ME3: variants seen among roughly 807,000 people sequenced by gnomAD.
ME3 encodes malic enzyme 3, also known as NADP-dependent malic enzyme, mitochondrial.
ME3 carries 48 observed loss-of-function variants against 68.9 expected under a neutral mutation model. The ratio of observed to expected loss-of-function variants is 0.70; its 90% CI spans 0.55 to 0.89. The LOEUF is 0.89. Among genes scored for constraint, ME3 ranks in the 40% least tolerant of loss-of-function variants. The pLI is 0.00. For synonymous variants in ME3, 320 were observed against 318.8 expected (o/e 1.00, Z -0.04); for missense variants, 675 against 797.4 (o/e 0.85, Z 1.85).
At chr11:86,624,088 C>T (rs1230287576) in intron 2 of ME3, among the ~76,000 whole-genome samples, 1 of 152,126 alleles carries the variant, frequency 6.6e-6, no homozygotes, top group Non-Finnish European at 1.5e-5. Flanking sequence ...TCTTTGAGGT[C>T]GGAAGTTTAA....
chr11:86,657,829 C>T (rs1946006915), intron 2 of ME3, among the ~76,000 whole-genome samples: 1 of 152,112 alleles, frequency 6.6e-6, no homozygotes, highest in African/African-American at 2.4e-5. Context: ...TCATAGCTGG[C>T]AAGCTTATGA....
Position 86,624,738 on chromosome 11 carries a change from T to C in ME3, c.183+47024A>G, listed in dbSNP as rs565971765. Among the ~76,000 whole-genome samples the C allele has an allele frequency of 5.9e-5, 9 of 152,366 alleles. No homozygotes were observed. The South Asian group carries it at 1.9e-3, about 32-fold the overall frequency. ...ACCATTCTTCGGCTTTTCTCTGTTA[T>C]TTCCATCTGATTCCTCCAAACTTCT... On this transcript the variant is annotated intron_variant, in intron 2 of 14. Coordinates refer to ENST00000543262, the Ensembl canonical transcript of ME3.
chr11:86,584,932 A>G (rs1958644564), intron 2 of ME3, among the ~76,000 whole-genome samples: 1 of 152,246 alleles, frequency 6.6e-6, no homozygotes, highest in Non-Finnish European at 1.5e-5. Context: ...AAGAGGGTAG[A>G]GCTCATGGCA....
intron 2 of ME3, among the ~76,000 whole-genome samples, chr11:86,627,312 G>A (rs896897219): frequency 6.6e-6 from 1 of 152,190 alleles, no homozygotes; most frequent in Non-Finnish European, 1.5e-5. Context: ...TCTAATAGAT[G>A]CTTAACAAAT....
chr11:86,607,674 C>T (rs1245673187), intron 2 of ME3, among the ~76,000 whole-genome samples: 1 of 145,916 alleles, frequency 6.9e-6, no homozygotes, highest in Non-Finnish European at 1.5e-5. Context: ...CAATAGATCA[C>T]ATCTAGAGAT....
At chr11:86,580,472 G>A (rs1322066411) in intron 2 of ME3, among the ~76,000 whole-genome samples, 1 of 152,132 alleles carries the variant, frequency 6.6e-6, no homozygotes, top group Non-Finnish European at 1.5e-5. Flanking sequence ...GATTGATTGG[G>A]TCATCATTGA....
intron 2 of ME3, among the ~76,000 whole-genome samples, chr11:86,560,746 G>GTATATATATATATATATA (rs1456434091): frequency 1.1e-4 from 10 of 90,272 alleles, no homozygotes; most frequent in African/African-American, 4.8e-4. Flanking sequence ...GTGTGTGTGT[G>GTATATATATATATATATA]TGTATATATA....
At chr11:86,617,384 T>G (rs1358694980) in intron 2 of ME3, among the ~76,000 whole-genome samples, 1 of 152,150 alleles carries the variant, frequency 6.6e-6, no homozygotes, top group Admixed American at 6.6e-5. Flanking sequence ...TAAGTCTCGT[T>G]TAAAAGTTAA....
chr11:86,657,557 C>T (rs1945984995), intron 2 of ME3, among the ~76,000 whole-genome samples: 1 of 151,992 alleles, frequency 6.6e-6, no homozygotes, highest in Admixed American at 6.6e-5. Context: ...CACCATGGCA[C>T]GTTTATACCT....
At chr11:86,649,502 TAGGAAGAG>T (rs1945255195) in intron 2 of ME3, among the ~76,000 whole-genome samples, 1 of 152,286 alleles carries the variant, frequency 6.6e-6, no homozygotes, top group East Asian at 1.9e-4. Flanking sequence ...TATATTCAAA[TAGGAAGAG>T]AGGAAGTCGG....
At chr11:86,436,685 G>C (rs1948899249), downstream of ME3, 1 of 152,100 alleles carries the variant, frequency 6.6e-6, no homozygotes, top group Admixed American at 6.5e-5. Flanking sequence ...TTTGGTTTGA[G>C]ATGTGTAAAG....
At chr11:86,500,488 C>G (rs567273790) in intron 5 of ME3, among the ~76,000 whole-genome samples, 1 of 152,226 alleles carries the variant, frequency 6.6e-6, no homozygotes, top group African/African-American at 2.4e-5. Context: ...CTCCTTGCCT[C>G]TCATCTTCCT....
intron 2 of ME3, among the ~76,000 whole-genome samples, chr11:86,630,782 C>G (rs981098397): frequency 5.9e-5 from 9 of 152,158 alleles, no homozygotes; most frequent in African/African-American, 2.2e-4. Flanking sequence ...ATTAGAAACC[C>G]GAGTCAGGAC....
intron 4 of ME3, among the ~76,000 whole-genome samples, chr11:86,533,087 C>G (rs987434990): frequency 6.6e-6 from 1 of 150,974 alleles, no homozygotes; most frequent in Non-Finnish European, 1.5e-5. Context: ...GTAACCTAAT[C>G]TTATACCTCA....
At chr11:86,446,358 C>T (rs529889433) in exon 13 of ME3, 29 of 1,614,034 alleles carry the variant, frequency 1.8e-5, no homozygotes, top group Middle Eastern at 1.6e-4. Flanking sequence ...TGCCGGATCC[C>T]GCCGGCGATG....
At chr11:86,596,278 T>C (rs971318111) in intron 2 of ME3, among the ~76,000 whole-genome samples, 5 of 152,182 alleles carry the variant, frequency 3.3e-5, no homozygotes, top group African/African-American at 1.2e-4. Flanking sequence ...TTTAGCTAAT[T>C]TGAGAACATA....
At chr11:86,520,952 C>T (rs564732405) in intron 4 of ME3, among the ~76,000 whole-genome samples, 3 of 152,332 alleles carry the variant, frequency 2.0e-5, no homozygotes, top group Non-Finnish European at 4.4e-5. Flanking sequence ...CTCTAGAGTT[C>T]CATGACTCTA....
At chr11:86,524,095 T>C (rs1954545381) in intron 4 of ME3, among the ~76,000 whole-genome samples, 1 of 152,218 alleles carries the variant, frequency 6.6e-6, no homozygotes, top group African/African-American at 2.4e-5. Context: ...ACTCTTCACT[T>C]TCTTTTATGG....
At chr11:86,493,484 C>A (rs1346879535) in intron 6 of ME3, among the ~76,000 whole-genome samples, 2 of 152,244 alleles carry the variant, frequency 1.3e-5, no homozygotes, top group Non-Finnish European at 2.9e-5. Context: ...TGGGGAAGCG[C>A]TTTCTGCTCT....
Sources: gnomAD v4.1 joint callset for allele counts (sites outside exome capture counted in the v4.1 genomes callset) on GRCh38, gnomAD v4.1.1 for gene constraint, MANE v1.5 for transcripts, NCBI Gene and HGNC (gene_info 2026-07-23, HGNC 2026-07-21) for gene names.